RRP1: variants seen among roughly 807,000 people sequenced by gnomAD.
The protein encoded by RRP1 is ribosomal RNA processing 1.
RRP1 carries 37 observed loss-of-function variants against 54.6 expected under a neutral mutation model. The observed-to-expected ratio is 0.68, with a 90% confidence interval of 0.52 to 0.89. RRP1 has a LOEUF of 0.89. RRP1 is among the 40% of genes least tolerant of loss of function. The pLI, the probability that RRP1 is intolerant of heterozygous loss-of-function variation, is 0.00. For missense variants in RRP1, 639 were observed against 612.5 expected (o/e 1.04, Z -0.46); for synonymous variants, 262 against 244.3 (o/e 1.07, Z -0.67).
Position 43,800,580 on chromosome 21 carries a change from C to T in RRP1, c.955C>T (p.Gln319Ter). 1 of 1,614,260 alleles carries T rather than the reference C, an allele frequency of 6.2e-7. No homozygotes were observed. The highest frequency in any genetic ancestry group is 8.5e-7 in the Non-Finnish European group (1 of 1,180,046). The part of the protein sequence containing the change: ...EMASRQSTPS[Q>*]NRKRLYKVIR... ...GGCCAGCCGCCAGAGCACCCCTTCT[C>T]AGAACAGAAAGCGTCTCTACAAAGT... is the stretch of plus-strand genomic sequence containing the variant. Residue 319 changes from glutamine (Q) to a stop codon, truncating the protein, a stop_gained, in exon 10 of 13, where the codon CAG becomes TAG. Transcript: ENST00000497547. LOFTEE classifies it high-confidence loss of function.
intron 2 of RRP1, 32 bp downstream of exon 2, chr21:43,791,464 A>C: frequency 1.9e-6 from 3 of 1,601,286 alleles, no homozygotes; most frequent in Middle Eastern, 1.7e-4. Flanking sequence ...GCAGGTACAG[A>C]AGCAGCGGGG....
chr21:43,791,087 A>G (rs2084952134), intron 1 of RRP1: 1 of 576,558 alleles, frequency 1.7e-6, no homozygotes, highest in Non-Finnish European at 3.3e-6. Context: ...AAAATGGAGT[A>G]TGGTGCCTGA....
intron 12 of RRP1, among the ~76,000 whole-genome samples, chr21:43,802,882 C>T (rs749410735): frequency 7.2e-5 from 11 of 152,244 alleles, no homozygotes; most frequent in Non-Finnish European, 1.5e-4. Context: ...ACCCTGGGTC[C>T]GCGGCAGACC....
At chr21:43,797,778 C>G (rs982699729) in intron 7 of RRP1, 83 bp downstream of exon 7, 7 of 1,580,966 alleles carry the variant, frequency 4.4e-6, no homozygotes, top group Admixed American at 1.7e-5. Context: ...GCTGCTCCCT[C>G]GAGGGATGAA....
In RRP1 at chr21:43,792,673, A is replaced by G. The variant is rs771995948; in HGVS notation, c.218A>G (p.Glu73Gly). The G allele has an allele frequency of 1.1e-5, 18 of 1,614,056 alleles. No individual in the cohort carries two copies. Among genetic ancestry groups the G allele is most frequent in the Non-Finnish European group, 1.5e-5 (18 of 1,179,946 alleles). Residue 73 changes from glutamate to glycine, a missense_variant and splice_region_variant, in exon 3 of 13, where the codon GAA becomes GGA. Glu to Gly is a moderately conservative substitution (Grantham distance 98). Transcript: ENST00000497547. ...GCGTTTTTGTTGTTTCCTACACAGG[A>G]AGAATTAGGAAGGACTATTTCCCAG... ...MWMQDKPLLQEELGRTISQLV... is the reference protein window; with the variant it reads ...MWMQDKPLLQGELGRTISQLV...
chr21:43,798,029 G>T lies in RRP1; in HGVS notation c.740G>T (p.Ser247Ile), dbSNP rs758578096. Reference protein sequence around the residue: ...DTQDEEVASDSDESSEGGERG... With the variant: ...DTQDEEVASDIDESSEGGERG... Reference sequence around the variant, plus strand: ...CAGGATGAGGAGGTGGCGTCGGACAGTGATGAGTCCTCTGAGGGTGGTGAG... The same window carrying T: ...CAGGATGAGGAGGTGGCGTCGGACATTGATGAGTCCTCTGAGGGTGGTGAG... Residue 247 changes from serine (S) to isoleucine (I), a missense_variant, in exon 8 of 13, where the codon AGT becomes ATT. By Grantham distance (142) the Ser-to-Ile change is moderately radical (BLOSUM62 -2). Coordinates refer to ENST00000497547, the MANE Select transcript of RRP1 (RefSeq NM_003683.6). 6.2e-7 allele frequency: 1 copy of T among 1,614,192 alleles called. No individual in the cohort carries two copies. Among genetic ancestry groups the T allele is most frequent in the Non-Finnish European group, 8.5e-7 (1 of 1,180,010 alleles).
chr21:43,797,930 C>T lies in RRP1; in HGVS notation c.641C>T (p.Thr214Ile), dbSNP rs1405558946. ...AGTTCCTTGGTTTTGAACAACATCACTCGAGGCATCTTTGAGACGATTGTG... is the reference window on the plus strand; with the variant it reads ...AGTTCCTTGGTTTTGAACAACATCATTCGAGGCATCTTTGAGACGATTGTG... ...TKDSLVLNNI[T>I]RGIFETIVEQ... The change falls in exon 8 of 13, where the codon ACT (threonine) becomes ATT (isoleucine). Residue 214 changes from threonine (T) to isoleucine (I), a missense_variant. Coordinates refer to ENST00000497547, the MANE Select transcript of RRP1 (RefSeq NM_003683.6). 1.2e-6 allele frequency: 2 copies of T among 1,614,100 alleles called. No homozygotes were observed. The highest frequency in any genetic ancestry group is 2.2e-5 in the South Asian group (2 of 91,076).
rs2085127019 is a variant in RRP1 at position 43,804,688 on chromosome 21, G to T, written c.*914G>T. On this transcript the variant is annotated 3_prime_UTR_variant, in exon 13 of 13. Coordinates refer to ENST00000497547, the MANE Select transcript of RRP1 (RefSeq NM_003683.6). The surrounding 1 kb of genome is among the most constrained non-coding windows in gnomAD (Gnocchi z 4.3). ...GCATCTTCTGTTCCATGGGTGCCCA[G>T]CCAGCCAGGCCGTGTGGGATCCAGC... 1 of 152,450 alleles carries T rather than the reference G, an allele frequency of 6.6e-6. No homozygotes were observed. The allele number at this position is 152,450 out of a possible 1,614,324, so 9.4% of individuals were successfully genotyped here.
chr21:43,799,492 C>A, intron 8 of RRP1, 78 bp from the exon 9 acceptor site: 2 of 1,436,800 alleles, frequency 1.4e-6, no homozygotes, highest in Non-Finnish European at 1.9e-6. Context: ...GTGCACGGAG[C>A]GGGCTCTCCA....
chr21:43,791,303 C>A, intron 1 of RRP1, 47 bp from the exon 2 acceptor site: 1 of 1,592,492 alleles, frequency 6.3e-7, no homozygotes, highest in South Asian at 1.1e-5. Flanking sequence ...TTCTGGCACT[C>A]GAAGGTGTGG....
chr21:43,792,582 A>AGTGAGTGG, intron 2 of RRP1, 90 bp from the exon 3 acceptor site: 2 of 1,240,040 alleles, frequency 1.6e-6, no homozygotes, highest in South Asian at 1.2e-5. Context: ...TGAGTGAGTG[A>AGTGAGTGG]GTGAGTGGGT....
At chr21:43,802,212 C>T (rs772577902) in intron 11 of RRP1, 62 bp from the exon 12 acceptor site, 18 of 1,210,230 alleles carry the variant, frequency 1.5e-5, no homozygotes, top group South Asian at 6.1e-5. Context: ...CTGGAAGCAG[C>T]GAGCCTCAAA....
At chr21:43,795,621 C>G (rs1050600743) in intron 5 of RRP1, among the ~76,000 whole-genome samples, 3 of 152,168 alleles carry the variant, frequency 2.0e-5, no homozygotes, top group Non-Finnish European at 4.4e-5. Context: ...GATCTTGGCT[C>G]AACTACAGCC....
At chr21:43,799,986 CGTT>C (rs1249541428) in intron 9 of RRP1, among the ~76,000 whole-genome samples, 2 of 152,196 alleles carry the variant, frequency 1.3e-5, no homozygotes, top group Non-Finnish European at 2.9e-5. Context: ...GCGGCCCCCT[CGTT>C]GGGGTGCTGG....
At chr21:43,801,571 T>C (rs1471247014) in intron 11 of RRP1, among the ~76,000 whole-genome samples, 1 of 152,224 alleles carries the variant, frequency 6.6e-6, no homozygotes, top group Non-Finnish European at 1.5e-5. Context: ...TCTCCTGGTC[T>C]CAAGCGATCC....
At position 43,797,266 on chromosome 21, in the gene RRP1, T is replaced by C. The variant is rs1005733120; in HGVS notation, c.423-156T>C. On this transcript the variant is annotated intron_variant, in intron 5 of 12. Transcript: ENST00000497547. ...TGGAGGAGACCTAGGATCGTTGATA[T>C]CATCTGCGTGGACTTTAAGGCTGGC... 36 of 1,284,358 alleles carry C rather than the reference T, an allele frequency of 2.8e-5. No individual in the cohort carries two copies. The Admixed American group carries it at 5.7e-4, about 20-fold the overall frequency. 79.6% of individuals were successfully genotyped at this position (1,284,358 alleles called of 1,614,324 possible).
rs2085118977 is a variant in RRP1, at chr21:43,803,911, T to A, written c.*137T>A. 4 of 1,053,714 alleles carry A rather than the reference T, an allele frequency of 3.8e-6. No homozygotes were observed. Among genetic ancestry groups the A allele is most frequent in the Middle Eastern group, 3.2e-4 (1 of 3,118 alleles). 65.3% of individuals were successfully genotyped at this position (1,053,714 alleles called of 1,614,324 possible). On this transcript the variant is annotated 3_prime_UTR_variant, in exon 13 of 13. Transcript: ENST00000497547. ...GCCAGGCGGGAGGGAAGGGCGGCAC[T>A]GGAGAGATGGGCCCATCATTAGGGG... is the stretch of plus-strand genomic sequence containing the variant.
At chr21:43,802,410 T>C in intron 12 of RRP1, 23 bp downstream of exon 12, 1 of 1,596,508 alleles carries the variant, frequency 6.3e-7, no homozygotes, top group East Asian at 2.2e-5. Flanking sequence ...GGTGTGTTAG[T>C]CATGGAGCCG....
Position 43,803,867 on chromosome 21 carries a change from G to A in RRP1, c.*93G>A, listed in dbSNP as rs999974412. On this transcript the variant is annotated 3_prime_UTR_variant, in exon 13 of 13. Transcript: ENST00000497547. ...CGGGCTGTTCTGTAGACTCAGGACC[G>A]TGGCTCCAGAACTCCTGTGCCAGGC... 49 of 1,411,824 alleles carry A rather than the reference G, an allele frequency of 3.5e-5. No homozygotes were observed. Among genetic ancestry groups the A allele is most frequent in the Non-Finnish European group, 4.1e-5 (44 of 1,065,168 alleles). 87.5% of individuals were successfully genotyped at this position (1,411,824 alleles called of 1,614,324 possible). A position where few individuals can be genotyped will look rare whatever the true frequency, so the allele number is the denominator to read the frequency against.
Sources: gnomAD v4.1 joint callset for allele counts (sites outside exome capture counted in the v4.1 genomes callset) on GRCh38, gnomAD v4.1.1 for gene constraint, Gnocchi (gnomAD v3.1) non-coding constraint, MANE v1.5 for transcripts, NCBI Gene and HGNC (gene_info 2026-07-23, HGNC 2026-07-21) for gene names.